The following NBAS variants were observed in gnomAD, a reference collection of about 807,000 sequenced individuals.
NBAS encodes the protein NAG/BC035112 fusion.
Under a neutral mutation model 302.5 loss-of-function variants are expected in NBAS, and 219 were observed. The ratio of observed to expected loss-of-function variants is 0.72; its 90% CI spans 0.65 to 0.81. The LOEUF (loss-of-function observed/expected upper bound fraction) is 0.81, where lower values mean the gene tolerates loss of function less well. Among genes scored for constraint, NBAS ranks in the 30% least tolerant of loss-of-function variants. The pLI, the probability that NBAS is intolerant of heterozygous loss-of-function variation, is 0.00. For synonymous variants in NBAS, 1,118 were observed against 1,021.6 expected, an observed-to-expected ratio of 1.09 and a Z score of -1.80; for missense variants, 2,932 against 2,841.6, an observed-to-expected ratio of 1.03 and a Z score of -0.72.
the NBAS span, among the ~76,000 whole-genome samples, chr2:15,102,879 T>C: frequency 6.6e-6 from 1 of 152,072 alleles, no homozygotes; most frequent in Non-Finnish European, 1.5e-5. Context: ...AGTCCTTTTA[T>C]CTACCTTGGC....
chr2:15,354,365 T>C (rs1175292138), intron 33 of NBAS, among the ~76,000 whole-genome samples: 1 of 152,212 alleles, frequency 6.6e-6, no homozygotes, highest in Non-Finnish European at 1.5e-5. Context: ...TTATTCTTAT[T>C]TGAAGGAATT....
chr2:14,786,269 C>G, the NBAS span, among the ~76,000 whole-genome samples: 1 of 152,012 alleles, frequency 6.6e-6, no homozygotes, highest in African/African-American at 2.4e-5. Context: ...TTTCAAAAAA[C>G]CAGCTCCTGG....
the NBAS span, among the ~76,000 whole-genome samples, chr2:15,027,174 A>G: frequency 1.3e-5 from 2 of 152,130 alleles, no homozygotes; most frequent in South Asian, 2.1e-4. Flanking sequence ...CACATTTAAT[A>G]TTAATTTAGA....
At chr2:15,559,591 T>C (rs1664813895) in intron 1 of NBAS, among the ~76,000 whole-genome samples, 2 of 152,174 alleles carry the variant, frequency 1.3e-5, no homozygotes, top group African/African-American at 2.4e-5. Flanking sequence ...GTTGGATTCA[T>C]GCAAGACACA....
Position 15,276,966 on chromosome 2 carries a change from C to T in NBAS, c.5274G>A (p.Arg1758=), listed in dbSNP as rs748785613. Residue 1758 remains arginine (R), a synonymous_variant, in exon 43 of 52, where the codon AGG becomes AGA. Transcript: ENST00000281513. ...CCAGAAGAGTGAAATAATACTGCAG[C>T]CTTTCGTGATCAAAGCCACCAATAG... ...YPTIGGFDHE[R]LQYYFTLLEN... 5.0e-6 allele frequency: 8 copies of T among 1,613,878 alleles called. No individual in the cohort carries two copies. The Admixed American group carries it at 1.2e-4, about 24-fold the overall frequency.
intron 43 of NBAS, among the ~76,000 whole-genome samples, chr2:15,276,376 T>C (rs906957469): frequency 2.0e-5 from 3 of 152,176 alleles, no homozygotes; most frequent in Non-Finnish European, 4.4e-5. Flanking sequence ...TCTTAAAGTG[T>C]TTAATTTCTT....
chr2:15,473,181 G>T, intron 16 of NBAS, 41 bp downstream of exon 16: 1 of 1,603,214 alleles, frequency 6.2e-7, no homozygotes, highest in South Asian at 1.1e-5. Context: ...GATATTACAT[G>T]AATATACATT....
chr2:14,879,977 A>G, the NBAS span, among the ~76,000 whole-genome samples: 384 of 152,304 alleles, frequency 2.5e-3, 1 homozygote, highest in Non-Finnish European at 3.6e-3. Context: ...GAAAATACAG[A>G]GGCATAAAGG....
At chr2:14,876,803 G>T in the NBAS span, among the ~76,000 whole-genome samples, 1 of 152,198 alleles carries the variant, frequency 6.6e-6, no homozygotes. Flanking sequence ...TTAGCTCTCT[G>T]TAGGACAGGG....
rs1553351366 is a variant in NBAS at position 15,245,644 on chromosome 2, T to TGGATGGATGGATGGAC, written c.5725-6959_5725-6958insGTCCATCCATCCATCC. ...ATGGATGGATGGATGGATGGATGGATGGACGGACGGACGGACGGATGGATG... is the reference window on the plus strand; with the variant it reads ...ATGGATGGATGGATGGATGGATGGATGGATGGATGGATGGACGGACGGACGGACGGACGGATGGATG... On this transcript the variant is annotated intron_variant, in intron 44 of 51. Coordinates refer to ENST00000281513, the MANE Select transcript of NBAS (RefSeq NM_015909.4). Among the ~76,000 whole-genome samples the TGGATGGATGGATGGAC allele has an allele frequency of 2.0e-3, 298 of 149,194 alleles. 1 individual carries two copies. Among genetic ancestry groups the TGGATGGATGGATGGAC allele is most frequent in the South Asian group, 6.6e-3 (30 of 4,558 alleles).
At chr2:15,245,602 A>AATGTAAGG (rs1553351351) in intron 44 of NBAS, among the ~76,000 whole-genome samples, 1 of 118,558 alleles carries the variant, frequency 8.4e-6, no homozygotes, top group Non-Finnish European at 1.7e-5. Context: ...CTCTCTGTTG[A>AATGTAAGG]ATGGAAGGAT....
At chr2:15,488,801 G>T in intron 12 of NBAS, 93 bp downstream of exon 12, 1 of 1,476,888 alleles carries the variant, frequency 6.8e-7, no homozygotes, top group South Asian at 1.1e-5. Flanking sequence ...AGAATAAACA[G>T]CTGTGTACTA....
the NBAS span, among the ~76,000 whole-genome samples, chr2:14,781,410 A>G: frequency 6.6e-6 from 1 of 152,244 alleles, no homozygotes; most frequent in African/African-American, 2.4e-5. Flanking sequence ...AGCCTAAACT[A>G]AATAAAGGCT....
At chr2:15,287,231 T>G in intron 41 of NBAS, 48 bp from the exon 42 acceptor site, 1 of 1,481,622 alleles carries the variant, frequency 6.7e-7, no homozygotes, top group South Asian at 1.1e-5. Flanking sequence ...GAGAAACACA[T>G]GACTTCAATC....
At chr2:15,266,011 G>A (rs1238048551) in intron 44 of NBAS, among the ~76,000 whole-genome samples, 2 of 152,156 alleles carry the variant, frequency 1.3e-5, no homozygotes, top group Admixed American at 6.5e-5. Flanking sequence ...TGTCAAGAGC[G>A]GGACCAGGTG....
the NBAS span, among the ~76,000 whole-genome samples, chr2:14,912,702 TTAAAAAAAAAAA>T: frequency 1.5e-3 from 147 of 101,300 alleles, no homozygotes; most frequent in African/African-American, 5.5e-3. Flanking sequence ...GCATTCATTT[TTAAAAAAAAAAA>T]AAAAAAAAAA....
chr2:15,172,757 G>C (rs1196024653), intron 51 of NBAS, among the ~76,000 whole-genome samples: 1 of 152,172 alleles, frequency 6.6e-6, no homozygotes, highest in Non-Finnish European at 1.5e-5. Context: ...TATGAGACAA[G>C]TCCAGAGAAT....
At chr2:15,541,573 C>CA (rs1663822744) in intron 6 of NBAS, among the ~76,000 whole-genome samples, 1 of 151,840 alleles carries the variant, frequency 6.6e-6, no homozygotes, top group African/African-American at 2.4e-5. Flanking sequence ...TAAAAGTATA[C>CA]AAAAAAATCC....
intron 9 of NBAS, among the ~76,000 whole-genome samples, chr2:15,523,436 T>C (rs1662773152): frequency 6.9e-6 from 1 of 144,898 alleles, no homozygotes; most frequent in African/African-American, 2.6e-5. Flanking sequence ...AGCATTTACA[T>C]TGGATGAGGT....
Sources: allele counts gnomAD v4.1 joint callset (sites outside exome capture counted in the v4.1 genomes callset), GRCh38; gene constraint gnomAD v4.1.1; transcripts MANE v1.5; gene names NCBI Gene and HGNC (gene_info 2026-07-23, HGNC 2026-07-21).